The following ASAH2 variants were observed in gnomAD, a reference collection of about 807,000 sequenced individuals.
The protein encoded by ASAH2 is neutral ceramidase.
Under a neutral mutation model 82.9 loss-of-function variants are expected in ASAH2, and 58 were observed. That is an observed-to-expected ratio of 0.70 (90% CI 0.57 to 0.87). ASAH2 has a LOEUF of 0.87. Among genes scored for constraint, ASAH2 ranks in the 40% least tolerant of loss-of-function variants. The pLI is 0.00. For synonymous variants in ASAH2, 276 were observed against 289.7 expected (o/e 0.95, Z 0.48); for missense variants, 779 against 834.0 (o/e 0.93, Z 0.81).
At chr10:50,232,363 G>T (rs1310184986) in intron 7 of ASAH2, among the ~76,000 whole-genome samples, 4 of 152,088 alleles carry the variant, frequency 2.6e-5, no homozygotes, top group Non-Finnish European at 5.9e-5. Flanking sequence ...GGTAGTCACA[G>T]AACTTGTCTA....
Position 50,234,570 on chromosome 10 carries a change from G to C in ASAH2, c.688-18C>G. The C allele has an allele frequency of 6.2e-7, 1 of 1,612,540 alleles. No individual in the cohort carries two copies. Among genetic ancestry groups the C allele is most frequent in the South Asian group, 1.1e-5 (1 of 91,056 alleles). On this transcript the variant is annotated intron_variant, in intron 5 of 20. Coordinates refer to ENST00000682911, the MANE Select transcript of ASAH2 (RefSeq NM_019893.4). ...TCAATGCTCTGAAGGTTAAAAAAGA[G>C]GGGGATGTTATAAGCTTAGAAATCC...
intron 16 of ASAH2, among the ~76,000 whole-genome samples, chr10:50,199,829 A>T (rs1371274213): frequency 6.6e-6 from 1 of 151,342 alleles, no homozygotes; most frequent in Non-Finnish European, 1.5e-5. Context: ...TCTCCTTCAA[A>T]TCTCCTGAGA....
In ASAH2 at chr10:50,204,845, A is replaced by G; in HGVS notation, c.1625+16T>C. The G allele has an allele frequency of 6.4e-7, 1 of 1,570,036 alleles. No individual in the cohort carries two copies. Among genetic ancestry groups the G allele is most frequent in the Non-Finnish European group, 8.7e-7 (1 of 1,144,474 alleles). ...ACAAACACATTTTTAACTAAGTAAT[A>G]AAAAGAAAAACTTACGTAAACTCCC... On this transcript the variant is annotated intron_variant, in intron 14 of 20. Transcript: ENST00000682911.
chr10:50,243,627 G>A (rs1398844918), intron 3 of ASAH2, among the ~76,000 whole-genome samples: 1 of 152,192 alleles, frequency 6.6e-6, no homozygotes, highest in Admixed American at 6.5e-5. Context: ...TGGCTTATGG[G>A]CAGGAGGGAG....
intron 7 of ASAH2, among the ~76,000 whole-genome samples, chr10:50,227,052 G>A (rs1481103893): frequency 2.0e-5 from 3 of 152,124 alleles, no homozygotes; most frequent in Non-Finnish European, 4.4e-5. Flanking sequence ...AGCACAAAGT[G>A]AGGAGATACA....
intron 7 of ASAH2, 100 bp from the exon 8 acceptor site, chr10:50,218,730 A>G (rs201395210): frequency 0.15 from 201,081 of 1,365,684 alleles, 16,747 homozygotes; most frequent in South Asian, 0.31. Context: ...AGGAAAAAAT[A>G]TTTTTAAATA....
chr10:50,217,623 G>A (rs1159273081), intron 8 of ASAH2, among the ~76,000 whole-genome samples: 2 of 152,138 alleles, frequency 1.3e-5, no homozygotes, highest in East Asian at 3.9e-4. Flanking sequence ...AGATGGAGTT[G>A]TTCAGTCTTG....
At position 50,248,656 on chromosome 10, in the gene ASAH2, A is replaced by G. The variant is rs959494071; in HGVS notation, c.-36-10T>C. Reference sequence around the variant, plus strand: ...GATGGAAGAAGAAATACTGAAGAGGAAGAAATCACAAATTAAAATGCAAAT... The same window carrying G: ...GATGGAAGAAGAAATACTGAAGAGGGAGAAATCACAAATTAAAATGCAAAT... On this transcript the variant is annotated splice_polypyrimidine_tract_variant and intron_variant, in intron 1 of 20. Transcript: ENST00000682911. The G allele has an allele frequency of 2.5e-6, 4 of 1,578,806 alleles. No individual in the cohort carries two copies. Among genetic ancestry groups the G allele is most frequent in the Non-Finnish European group, 3.4e-6 (4 of 1,160,062 alleles).
chr10:50,228,050 A>G (rs1202185749), intron 7 of ASAH2, among the ~76,000 whole-genome samples: 2 of 152,194 alleles, frequency 1.3e-5, no homozygotes, highest in Non-Finnish European at 2.9e-5. Flanking sequence ...GGGGCCAAGC[A>G]CAGTGGCTCA....
chr10:50,240,948 T>C (rs1408227796), intron 4 of ASAH2, among the ~76,000 whole-genome samples: 1 of 152,210 alleles, frequency 6.6e-6, no homozygotes, highest in East Asian at 1.9e-4. Flanking sequence ...GCTTGATGAA[T>C]AGAACAGGGT....
Position 50,212,834 on chromosome 10 carries a change from C to A in ASAH2, c.1227+138G>T, listed in dbSNP as rs1845494266. 3.5e-6 allele frequency: 3 copies of A among 855,278 alleles called. No individual in the cohort carries two copies. In the Admixed American group the frequency reaches 5.7e-5, roughly 16 times the overall value. 53.0% of individuals were successfully genotyped at this position (855,278 alleles called of 1,614,324 possible). A position where few individuals can be genotyped will look rare whatever the true frequency, so the allele number is the denominator to read the frequency against. ...TGGATTGCAAAGGCCACCTCCCAAGCTGACCTCTTCTAGACTCCCCAGCAC... is the reference window on the plus strand; with the variant it reads ...TGGATTGCAAAGGCCACCTCCCAAGATGACCTCTTCTAGACTCCCCAGCAC... On this transcript the variant is annotated intron_variant, in intron 10 of 20. Transcript: ENST00000682911.
chr10:50,201,749 T>C (rs1845154938), intron 16 of ASAH2, among the ~76,000 whole-genome samples: 3 of 152,124 alleles, frequency 2.0e-5, no homozygotes, highest in Admixed American at 6.6e-5. Context: ...ACCAGTTAGG[T>C]TGAAATATAT....
chr10:50,194,801 G>A lies in ASAH2; in HGVS notation c.2004+1972C>T, dbSNP rs2813331. Among the ~76,000 whole-genome samples the A allele has an allele frequency of 2.0e-5, 3 of 151,690 alleles. No individual in the cohort carries two copies. In the East Asian group the frequency reaches 5.8e-4, roughly 29 times the overall value. On this transcript the variant is annotated intron_variant, in intron 18 of 20. Transcript: ENST00000682911. ...GATTTTTGACAAAGGTGCCAAGAACGCACAATGGGGAAGTGACAGTCTCTT... is the reference window on the plus strand; with the variant it reads ...GATTTTTGACAAAGGTGCCAAGAACACACAATGGGGAAGTGACAGTCTCTT...
chr10:50,237,974 G>C (rs934869748), intron 4 of ASAH2, among the ~76,000 whole-genome samples: 39 of 152,124 alleles, frequency 2.6e-4, no homozygotes, highest in African/African-American at 8.7e-4. Flanking sequence ...TCCAGCAAAA[G>C]TGTCAAACCC....
Position 50,214,747 on chromosome 10 carries a change from C to T in ASAH2, c.1136G>A (p.Gly379Asp), listed in dbSNP as rs1025352400. Reference sequence around the variant, plus strand: ...TCATGTGTCATAATTACCTACCCCACCAATGGGACAAGTGCTATTGGCGTT... The same window carrying T: ...TCATGTGTCATAATTACCTACCCCATCAATGGGACAAGTGCTATTGGCGTT... ...CDNANSTCPI[G>D]GPSMCIAKGP... Residue 379 changes from glycine (G) to aspartate (D), a missense_variant, in exon 9 of 21, where the codon GGT becomes GAT. Physicochemically the swap from Gly to Asp is moderately conservative, Grantham distance 94. Around this residue, in one of 3 missense-constraint regions of ASAH2, gnomAD observed 759 missense variants for 755.2 expected, o/e 1.00. Transcript: ENST00000682911. 4.3e-6 allele frequency: 7 copies of T among 1,613,688 alleles called. No individual in the cohort carries two copies. The Admixed American group carries it at 1.2e-4, about 27-fold the overall frequency.
rs569779735 is a variant in ASAH2 at position 50,214,729 on chromosome 10, T to C, written c.1140+14A>G. On this transcript the variant is annotated intron_variant, in intron 9 of 20. Transcript: ENST00000682911. The stretch of plus-strand genomic sequence containing the variant: ...GATGCAAAAACAAAGATTTCATGTG[T>C]CATAATTACCTACCCCACCAATGGG... 1,375,317 of 1,612,992 alleles carry C rather than the reference T, an allele frequency of 0.85. 593,465 individuals are homozygous for C. Among genetic ancestry groups the C allele is most frequent in the Non-Finnish European group, 0.89 (1,048,725 of 1,179,182 alleles).
intron 7 of ASAH2, among the ~76,000 whole-genome samples, chr10:50,223,531 T>G (rs1233816564): frequency 6.6e-6 from 1 of 152,088 alleles, no homozygotes; most frequent in South Asian, 2.1e-4. Flanking sequence ...AATAGGGAAA[T>G]AGAATACTGT....
chr10:50,197,677 T>G (rs1374214078), intron 17 of ASAH2, among the ~76,000 whole-genome samples: 1 of 151,972 alleles, frequency 6.6e-6, no homozygotes, highest in Admixed American at 6.6e-5. Context: ...TATTCAGTGG[T>G]TTTTTTCAAG....
intron 7 of ASAH2, among the ~76,000 whole-genome samples, chr10:50,227,200 G>A (rs1206018237): frequency 2.0e-5 from 3 of 152,004 alleles, no homozygotes; most frequent in Non-Finnish European, 4.4e-5. Context: ...TAAGAATAAA[G>A]AACGGTTCAA....
Sources: gnomAD v4.1 joint callset for allele counts (sites outside exome capture counted in the v4.1 genomes callset) on GRCh38, gnomAD v4.1.1 for gene constraint, gnomAD v4.1.1 regional missense constraint, MANE v1.5 for transcripts, NCBI Gene and HGNC (gene_info 2026-07-23, HGNC 2026-07-21) for gene names.